The following JAKMIP2 variants were observed in gnomAD, a reference collection of about 807,000 sequenced individuals.
The protein encoded by JAKMIP2 is janus kinase and microtubule interacting protein 2.
A neutral mutation model predicts 115.0 loss-of-function variants in JAKMIP2; 25 were observed. The observed-to-expected ratio is 0.22, with a 90% CI of 0.16 to 0.30. The LOEUF (loss-of-function observed/expected upper bound fraction) is 0.30. Ranked by LOEUF, JAKMIP2 falls within the 10% of genes least tolerant of loss-of-function variation. JAKMIP2 has a pLI of 1.00. For synonymous variants in JAKMIP2, 334 were observed against 343.6 expected (o/e 0.97, Z 0.31); for missense variants, 642 against 957.6 (o/e 0.67, Z 4.35).
At chr5:147,704,903 G>A (rs73797160) in intron 1 of JAKMIP2, among the ~76,000 whole-genome samples, 3,196 of 152,186 alleles carry the variant, frequency 0.021, 131 homozygotes, top group African/African-American at 0.072. Flanking sequence ...GTTTTCTCAA[G>A]GATGCAGCAT....
intron 20 of JAKMIP2, among the ~76,000 whole-genome samples, chr5:147,604,538 C>T (rs1755893449): frequency 6.6e-6 from 1 of 152,106 alleles, no homozygotes; most frequent in African/African-American, 2.4e-5. Context: ...CCACCAACTC[C>T]CTTTAACCTC....
At chr5:147,598,574 A>T (rs1581262845) in intron 21 of JAKMIP2, among the ~76,000 whole-genome samples, 1 of 152,286 alleles carries the variant, frequency 6.6e-6, no homozygotes, top group Non-Finnish European at 1.5e-5. Context: ...ATAGCCAGAT[A>T]ATATCTTCTG....
intron 2 of JAKMIP2, among the ~76,000 whole-genome samples, chr5:147,671,404 ACTGT>A (rs1328430063): frequency 6.6e-6 from 1 of 152,202 alleles, no homozygotes; most frequent in African/African-American, 2.4e-5. Flanking sequence ...GGTAAGGGAC[ACTGT>A]CTGAATTTTC....
At chr5:147,723,648 CTG>C (rs1416253590) in intron 1 of JAKMIP2, among the ~76,000 whole-genome samples, 2 of 152,156 alleles carry the variant, frequency 1.3e-5, no homozygotes, top group Admixed American at 1.3e-4. Context: ...TCTTACTCTT[CTG>C]TGTCTTTCGA....
intron 1 of JAKMIP2, among the ~76,000 whole-genome samples, chr5:147,760,515 A>T (rs1754897256): frequency 6.6e-6 from 1 of 152,086 alleles, no homozygotes; most frequent in Non-Finnish European, 1.5e-5. Context: ...TATAAGAAAA[A>T]GAAAGAGAAA....
intron 1 of JAKMIP2, among the ~76,000 whole-genome samples, chr5:147,752,245 A>C (rs1754585325): frequency 6.6e-6 from 1 of 152,164 alleles, no homozygotes. Context: ...TTGTTTAAAA[A>C]TCTGGATGAA....
intron 21 of JAKMIP2, among the ~76,000 whole-genome samples, chr5:147,598,358 T>A (rs1171915513): frequency 6.6e-6 from 1 of 152,112 alleles, no homozygotes; most frequent in Non-Finnish European, 1.5e-5. Flanking sequence ...GCAGATGGCT[T>A]ACCATGGGAC....
chr5:147,732,673 G>A (rs1753778285), intron 1 of JAKMIP2, among the ~76,000 whole-genome samples: 1 of 152,150 alleles, frequency 6.6e-6, no homozygotes, highest in Admixed American at 6.5e-5. Flanking sequence ...TTATTTGCAT[G>A]ATGTCATTAA....
chr5:147,694,659 C>T (rs1752023975), intron 1 of JAKMIP2, among the ~76,000 whole-genome samples: 1 of 152,138 alleles, frequency 6.6e-6, no homozygotes, highest in South Asian at 2.1e-4. Context: ...CCTGAATGTG[C>T]CTTCATGTCA....
chr5:147,682,964 A>G (rs1305655314), intron 1 of JAKMIP2, among the ~76,000 whole-genome samples: 1 of 152,206 alleles, frequency 6.6e-6, no homozygotes, highest in Non-Finnish European at 1.5e-5. Flanking sequence ...GGATGAATTT[A>G]ACAAAGTAAG....
At chr5:147,698,764 C>T (rs1752208055) in intron 1 of JAKMIP2, among the ~76,000 whole-genome samples, 1 of 152,176 alleles carries the variant, frequency 6.6e-6, no homozygotes, top group Admixed American at 6.5e-5. Flanking sequence ...AACCATGAGT[C>T]AATTAAACCT....
intron 20 of JAKMIP2, among the ~76,000 whole-genome samples, chr5:147,605,080 G>GT (rs1343070094): frequency 1.3e-5 from 2 of 151,722 alleles, no homozygotes; most frequent in Non-Finnish European, 2.9e-5. Flanking sequence ...GCAGTGTTTG[G>GT]TTTTCTATTC....
chr5:147,621,700 T>C lies in JAKMIP2; in HGVS notation c.2065-957A>G, dbSNP rs75719592. The stretch of plus-strand genomic sequence containing the variant: ...CTGTTCTTTTTACATGCTTTGACAT[T>C]GGAGCCTAACCTCTTAGTAAAATGT... On this transcript the variant is annotated intron_variant, in intron 17 of 21. Transcript: ENST00000616793. 6.2e-3 allele frequency among the ~76,000 whole-genome samples: 944 copies of C among 152,338 alleles called. 48 individuals carry two copies. The East Asian group carries it at 0.13, about 21-fold the overall frequency.
intron 1 of JAKMIP2, among the ~76,000 whole-genome samples, chr5:147,714,669 A>G (rs1752902352): frequency 6.6e-6 from 1 of 152,186 alleles, no homozygotes; most frequent in Non-Finnish European, 1.5e-5. Context: ...GAAATCTTAA[A>G]TGCTATCCAA....
intron 1 of JAKMIP2, among the ~76,000 whole-genome samples, chr5:147,740,792 G>C (rs1420474182): frequency 1.3e-5 from 2 of 152,146 alleles, no homozygotes; most frequent in Non-Finnish European, 2.9e-5. Flanking sequence ...AGCGTGGGTG[G>C]GGGAAAGGGT....
At chr5:147,670,079 C>A (rs1397471282) in intron 2 of JAKMIP2, among the ~76,000 whole-genome samples, 1 of 152,258 alleles carries the variant, frequency 6.6e-6, no homozygotes, top group East Asian at 1.9e-4. Flanking sequence ...CAAACAAATG[C>A]TGTTCTAAAA....
intron 1 of JAKMIP2, among the ~76,000 whole-genome samples, chr5:147,700,623 G>GT (rs1732603880): frequency 6.6e-6 from 1 of 152,090 alleles, no homozygotes; most frequent in Admixed American, 6.6e-5. Flanking sequence ...ATTCAGCTGT[G>GT]TATTTGTTTC....
intron 1 of JAKMIP2, among the ~76,000 whole-genome samples, chr5:147,724,907 A>C (rs143034045): frequency 6.6e-6 from 1 of 152,316 alleles, no homozygotes; most frequent in East Asian, 1.9e-4. Context: ...GGAGCTGGGT[A>C]AAATAAGGCT....
chr5:147,709,685 C>A (rs909943109), intron 1 of JAKMIP2, among the ~76,000 whole-genome samples: 7 of 152,096 alleles, frequency 4.6e-5, no homozygotes, highest in African/African-American at 1.7e-4. Flanking sequence ...CCCGTCTCTA[C>A]TAAAAATACA....
Sources: gnomAD v4.1 joint callset for allele counts (sites outside exome capture counted in the v4.1 genomes callset) on GRCh38, gnomAD v4.1.1 for gene constraint, MANE v1.5 for transcripts, NCBI Gene and HGNC (gene_info 2026-07-23, HGNC 2026-07-21) for gene names.